TRPM3: variants seen among roughly 807,000 people sequenced by gnomAD.
TRPM3 encodes the protein long transient receptor potential channel 3.
TRPM3 carries 77 observed loss-of-function variants against 181.2 expected under a neutral mutation model. That is an observed-to-expected ratio of 0.42 (90% CI 0.35 to 0.51). The LOEUF is 0.51. Among genes scored for constraint, TRPM3 ranks in the 20% least tolerant of loss-of-function variants. The pLI, the probability that TRPM3 is intolerant of heterozygous loss-of-function variation, is 0.01. For synonymous variants in TRPM3, 745 were observed against 796.4 expected, an observed-to-expected ratio of 0.94 and a Z score of 1.09; for missense variants, 1,759 against 2,196.7, an observed-to-expected ratio of 0.80 and a Z score of 3.98.
chr9:70,853,974 G>A (rs1191534098), intron 3 of TRPM3, among the ~76,000 whole-genome samples: 2 of 152,150 alleles, frequency 1.3e-5, no homozygotes, highest in Non-Finnish European at 2.9e-5. Context: ...ATATTCCTAT[G>A]CTCATAAAGA....
intron 1 of TRPM3, among the ~76,000 whole-genome samples, chr9:71,001,495 G>A (rs1335792845): frequency 1.3e-5 from 2 of 152,076 alleles, no homozygotes; most frequent in African/African-American, 4.8e-5. Context: ...TTTTCCTACC[G>A]ATCCAAATGC....
chr9:70,869,073 C>G, intron 1 of TRPM3: 2 of 984,874 alleles, frequency 2.0e-6, no homozygotes, highest in Non-Finnish European at 2.4e-6. Flanking sequence ...CTGGTCATTC[C>G]GTTAATAATG....
intron 1 of TRPM3, among the ~76,000 whole-genome samples, chr9:70,998,796 C>G (rs1201433749): frequency 6.6e-6 from 1 of 152,170 alleles, no homozygotes; most frequent in Non-Finnish European, 1.5e-5. Flanking sequence ...GACGATTTCA[C>G]TATTGTGATC....
At chr9:71,302,338 C>G (rs2086856909) in intron 1 of TRPM3, among the ~76,000 whole-genome samples, 1 of 152,236 alleles carries the variant, frequency 6.6e-6, no homozygotes, top group South Asian at 2.1e-4. Flanking sequence ...GAAAGGCCAA[C>G]AGACTATTTG....
At chr9:70,832,961 A>G (rs2094043719) in intron 5 of TRPM3, among the ~76,000 whole-genome samples, 1 of 152,210 alleles carries the variant, frequency 6.6e-6, no homozygotes, top group South Asian at 2.1e-4. Flanking sequence ...GAGACATACA[A>G]TCATGCATCT....
In TRPM3 at chr9:70,625,325, G is replaced by C. The variant is rs1172144400; in HGVS notation, c.1675C>G (p.Leu559Val). 6.2e-7 allele frequency: 1 copy of C among 1,614,140 alleles called. No homozygotes were observed. The highest frequency in any genetic ancestry group is 2.2e-5 in the East Asian group (1 of 44,874). ...GFGWIYFKGN[L>V]PPDYRISLID... is the part of the protein sequence containing the mutation. Reference sequence around the variant, plus strand: ...AGGCTGATTCTGTAGTCTGGGGGCAGGTTCCCCTATCAGGGTAGAATGAAA... The same window carrying C: ...AGGCTGATTCTGTAGTCTGGGGGCACGTTCCCCTATCAGGGTAGAATGAAA... Residue 559 changes from leucine to valine, a missense_variant, in exon 14 of 26, where the codon CTG becomes GTG. By Grantham distance (32) the Leu-to-Val change is conservative. Transcript: ENST00000677713. The surrounding 1 kb of genome is among the most constrained non-coding windows in gnomAD (Gnocchi z 4.8).
chr9:71,003,407 T>G (rs76700817), intron 1 of TRPM3, among the ~76,000 whole-genome samples: 2 of 28,798 alleles, frequency 6.9e-5, no homozygotes, highest in Admixed American at 4.5e-4. Context: ...TGCATATGGT[T>G]TTTTTTTTTT....
chr9:71,396,560 CA>C (rs2132989334), intron 1 of TRPM3, among the ~76,000 whole-genome samples: 1 of 152,042 alleles, frequency 6.6e-6, no homozygotes, highest in South Asian at 2.1e-4. Flanking sequence ...TACACTCTTA[CA>C]CTTGAGAAAC....
chr9:71,245,505 G>A (rs149193029), intron 1 of TRPM3, among the ~76,000 whole-genome samples: 2,147 of 151,872 alleles, frequency 0.014, 25 homozygotes, highest in Non-Finnish European at 0.02. Flanking sequence ...TATTTAGAGC[G>A]GCAATGAAGG....
chr9:71,412,762 G>A (rs1441531702), intron 1 of TRPM3, among the ~76,000 whole-genome samples: 1 of 152,108 alleles, frequency 6.6e-6, no homozygotes, highest in Non-Finnish European at 1.5e-5. Context: ...ATACCCAAAG[G>A]ATTATAAAGC....
rs759187213 is a variant in TRPM3, at chr9:70,609,375, T to TAACA, written c.2667+1230_2667+1233dup. On this transcript the variant is annotated intron_variant, in intron 19 of 25. Coordinates refer to ENST00000677713, the MANE Select transcript of TRPM3 (RefSeq NM_001366145.2). ...GGGGGAGAGAATTTTTCTCTTTTCC[T>TAACA]AACATTGATAAATTTGAATTTTTAC... Among the ~76,000 whole-genome samples the TAACA allele has an allele frequency of 2.6e-5, 4 of 152,246 alleles. No individual in the cohort carries two copies. The East Asian group carries it at 5.8e-4, about 22-fold the overall frequency.
chr9:71,436,115 C>A (rs916257308), intron 1 of TRPM3, among the ~76,000 whole-genome samples: 39 of 152,138 alleles, frequency 2.6e-4, no homozygotes, highest in African/African-American at 9.4e-4. Flanking sequence ...ATAAGCCTCA[C>A]AAAATCTGAT....
chr9:70,982,596 T>C (rs2134034960), intron 1 of TRPM3, among the ~76,000 whole-genome samples: 1 of 152,318 alleles, frequency 6.6e-6, no homozygotes, highest in African/African-American at 2.4e-5. Context: ...GTGCAGACCT[T>C]AGTCACCTTT....
At chr9:71,200,518 G>A (rs1266427179) in intron 1 of TRPM3, among the ~76,000 whole-genome samples, 4 of 151,818 alleles carry the variant, frequency 2.6e-5, no homozygotes, top group Non-Finnish European at 2.9e-5. Flanking sequence ...AAGTCTCTTC[G>A]TAGGTCACTC....
intron 1 of TRPM3, among the ~76,000 whole-genome samples, chr9:71,237,217 T>C (rs1201147523): frequency 1.3e-5 from 2 of 152,200 alleles, no homozygotes; most frequent in Non-Finnish European, 2.9e-5. Context: ...AGCTGTGTTG[T>C]TTTGATAATT....
chr9:70,827,674 A>T (rs932525162), intron 6 of TRPM3, 173 bp downstream of exon 6: 7 of 702,188 alleles, frequency 1.0e-5, no homozygotes, highest in Admixed American at 6.0e-5. Flanking sequence ...TACGCCTCCA[A>T]TTGTTCTCCT....
chr9:71,124,005 A>C (rs1288133407), upstream of TRPM3, among the ~76,000 whole-genome samples: 1 of 152,184 alleles, frequency 6.6e-6, no homozygotes, highest in African/African-American at 2.4e-5. Context: ...AACTGTTAGA[A>C]ACTATGCAGA....
intron 1 of TRPM3, among the ~76,000 whole-genome samples, chr9:71,270,835 T>C (rs2083733327): frequency 6.6e-6 from 1 of 152,190 alleles, no homozygotes; most frequent in Admixed American, 6.5e-5. Flanking sequence ...AGATCATTTG[T>C]TTTGGGGAAA....
In TRPM3 at chr9:70,661,707, C is replaced by T. The variant is rs149677114; in HGVS notation, c.1345+19799G>A. 1.1e-3 allele frequency among the ~76,000 whole-genome samples: 174 copies of T among 152,038 alleles called. 3 individuals carry two copies. Among genetic ancestry groups the T allele is most frequent in the African/African-American group, 4.0e-3 (167 of 41,524 alleles). On this transcript the variant is annotated intron_variant, in intron 9 of 25. Transcript: ENST00000677713. ...CAATAAAAAGAAAACCTTAGGAATA[C>T]ACTTAACTAAGGAGGTGAAAGATCT...
Sources: allele counts gnomAD v4.1 joint callset (sites outside exome capture counted in the v4.1 genomes callset), GRCh38; gene constraint gnomAD v4.1.1; non-coding constraint Gnocchi (gnomAD v3.1); transcripts MANE v1.5; gene names NCBI Gene and HGNC (gene_info 2026-07-23, HGNC 2026-07-21).